FAT3: variants seen among roughly 807,000 people sequenced by gnomAD.
FAT3 encodes the protein protocadherin Fat 3.
A neutral mutation model predicts 310.2 loss-of-function variants in FAT3; 95 were observed. The ratio of observed to expected loss-of-function variants is 0.31; its 90% CI spans 0.26 to 0.36. The LOEUF (loss-of-function observed/expected upper bound fraction) is 0.36, where lower values mean the gene tolerates loss of function less well. Ranked by LOEUF, FAT3 falls within the 10% of genes least tolerant of loss-of-function variation. The pLI, the probability that FAT3 is intolerant of heterozygous loss-of-function variation, is 1.00. For synonymous variants in FAT3, 2,314 were observed against 2,192.9 expected (o/e 1.06, Z -1.54); for missense variants, 5,408 against 5,715.6 (o/e 0.95, Z 1.74).
chr11:92,712,275 A>G (rs996800886), intron 4 of FAT3, among the ~76,000 whole-genome samples: 8 of 152,110 alleles, frequency 5.3e-5, no homozygotes, highest in Non-Finnish European at 1.2e-4. Flanking sequence ...CATCAGTTCC[A>G]ACTTGGAGCT....
In FAT3 at chr11:92,407,633, AAT is replaced by A. The variant is rs573909910; in HGVS notation, c.3292+52230_3292+52231del. Among the ~76,000 whole-genome samples the A allele has an allele frequency of 5.3e-5, 8 of 152,214 alleles. No homozygotes were observed. In the South Asian group the frequency reaches 1.7e-3, roughly 32 times the overall value. ...GAAATCTAATGTAGGCACCTAATTTAATGAGGAGAGAAAAAATTACCCAAACA... is the reference window on the plus strand; with the variant it reads ...GAAATCTAATGTAGGCACCTAATTTAGAGGAGAGAAAAAATTACCCAAACA... On this transcript the variant is annotated intron_variant, in intron 2 of 27. Coordinates refer to ENST00000525166, the MANE Select transcript of FAT3 (RefSeq NM_001367949.2).
chr11:92,460,682 G>A (rs1338505189), intron 2 of FAT3, among the ~76,000 whole-genome samples: 1 of 152,164 alleles, frequency 6.6e-6, no homozygotes, highest in Non-Finnish European at 1.5e-5. Flanking sequence ...ATGAAATTTA[G>A]CATCCCACTG....
chr11:92,771,858 A>G (rs189746440), intron 6 of FAT3, among the ~76,000 whole-genome samples: 1 of 152,226 alleles, frequency 6.6e-6, no homozygotes, highest in Admixed American at 6.5e-5. Context: ...TGTAAATGTT[A>G]TACCACTAAG....
At chr11:92,589,733 A>G (rs1388501942) in intron 3 of FAT3, among the ~76,000 whole-genome samples, 1 of 152,082 alleles carries the variant, frequency 6.6e-6, no homozygotes, top group Non-Finnish European at 1.5e-5. Flanking sequence ...CTTTCCCTTC[A>G]GATCTCAATA....
At chr11:92,462,949 T>A (rs1310366387) in intron 2 of FAT3, among the ~76,000 whole-genome samples, 3 of 152,218 alleles carry the variant, frequency 2.0e-5, no homozygotes, top group Non-Finnish European at 4.4e-5. Context: ...AAGTCCTTTA[T>A]CCTCTCCTTC....
intron 3 of FAT3, among the ~76,000 whole-genome samples, chr11:92,602,021 AT>A (rs1005093776): frequency 1.3e-5 from 2 of 151,612 alleles, no homozygotes; most frequent in Non-Finnish European, 2.9e-5. Context: ...ACATTTATTG[AT>A]TTTACATTGT....
intron 1 of FAT3, among the ~76,000 whole-genome samples, chr11:92,254,550 G>T (rs1865241904): frequency 6.6e-6 from 1 of 152,088 alleles, no homozygotes; most frequent in Non-Finnish European, 1.5e-5. Context: ...ATTAGGTAGT[G>T]GGGAGACTTG....
At chr11:92,268,049 C>T (rs1946017405) in intron 1 of FAT3, among the ~76,000 whole-genome samples, 1 of 144,312 alleles carries the variant, frequency 6.9e-6, no homozygotes, top group African/African-American at 2.6e-5. Flanking sequence ...GCCCTAAGTC[C>T]TTCAAAAAAA....
chr11:92,664,459 G>C (rs1376193618), intron 3 of FAT3, among the ~76,000 whole-genome samples: 1 of 152,146 alleles, frequency 6.6e-6, no homozygotes, highest in Non-Finnish European at 1.5e-5. Context: ...TTTGGTGTGA[G>C]ATTGATTATT....
At chr11:92,559,784 G>A (rs2135464997) in intron 3 of FAT3, among the ~76,000 whole-genome samples, 1 of 152,230 alleles carries the variant, frequency 6.6e-6, no homozygotes, top group South Asian at 2.1e-4. Context: ...GATCATTTGT[G>A]TTGTGTGTAT....
chr11:92,886,355 G>C (rs542949748), intron 24 of FAT3, among the ~76,000 whole-genome samples: 1 of 150,270 alleles, frequency 6.7e-6, no homozygotes, highest in Non-Finnish European at 1.5e-5. Context: ...GTGTGTGCAC[G>C]CATGTGCATC....
chr11:92,437,941 TA>T (rs10717818), intron 2 of FAT3, among the ~76,000 whole-genome samples: 131,745 of 151,910 alleles, frequency 0.87, 57,198 homozygotes, highest in Admixed American at 0.89. Flanking sequence ...AGACCTGAGC[TA>T]AAGGAAGGGT....
At chr11:92,715,241 T>TAA (rs760806391) in intron 4 of FAT3, among the ~76,000 whole-genome samples, 11 of 116,310 alleles carry the variant, frequency 9.5e-5, no homozygotes, top group African/African-American at 2.8e-4. Context: ...CCGTCTCCAC[T>TAA]AAAAAAAAAA....
intron 3 of FAT3, among the ~76,000 whole-genome samples, chr11:92,546,152 CTT>C (rs1387437096): frequency 6.6e-6 from 1 of 152,240 alleles, no homozygotes; most frequent in East Asian, 1.9e-4. Context: ...TCAAAGCGAG[CTT>C]GTGTTGTGGG....
chr11:92,379,135 T>C (rs79140578), intron 2 of FAT3, among the ~76,000 whole-genome samples: 7,864 of 152,232 alleles, frequency 0.052, 681 homozygotes, highest in African/African-American at 0.17. Context: ...CCAACCTCTT[T>C]AAAAATATTC....
intron 3 of FAT3, among the ~76,000 whole-genome samples, chr11:92,598,467 C>T (rs1055883957): frequency 6.6e-6 from 1 of 152,084 alleles, no homozygotes; most frequent in Non-Finnish European, 1.5e-5. Context: ...CCACCTTGGC[C>T]TCTCAAAGTG....
intron 2 of FAT3, among the ~76,000 whole-genome samples, chr11:92,416,571 A>C (rs1329282090): frequency 1.3e-5 from 2 of 152,226 alleles, no homozygotes; most frequent in Non-Finnish European, 2.9e-5. Context: ...AGCGCATCTA[A>C]GAAACCACTT....
At chr11:92,654,682 T>G (rs1591570171) in intron 3 of FAT3, among the ~76,000 whole-genome samples, 1 of 152,212 alleles carries the variant, frequency 6.6e-6, no homozygotes, top group East Asian at 1.9e-4. Flanking sequence ...TATTTACTGC[T>G]GAAACCCTGG....
chr11:92,810,136 C>A, intron 13 of FAT3, 60 bp downstream of exon 13: 2 of 1,473,100 alleles, frequency 1.4e-6, no homozygotes, highest in Non-Finnish European at 1.9e-6. Context: ...CAGGTGCTGC[C>A]ATTCCTTTAG....
Sources: allele counts gnomAD v4.1 joint callset (sites outside exome capture counted in the v4.1 genomes callset), GRCh38; gene constraint gnomAD v4.1.1; transcripts MANE v1.5; gene names NCBI Gene and HGNC (gene_info 2026-07-23, HGNC 2026-07-21).